CNRIP1: variants seen among roughly 807,000 people sequenced by gnomAD.
The protein encoded by CNRIP1 is cannabinoid receptor interacting protein 1.
CNRIP1 carries 10 observed loss-of-function variants against 15.2 expected under a neutral mutation model. The ratio of observed to expected loss-of-function variants is 0.66; its 90% CI spans 0.41 to 1.12. The LOEUF (loss-of-function observed/expected upper bound fraction) is 1.12, where lower values mean the gene tolerates loss of function less well. Ranked by LOEUF, CNRIP1 falls within the 50% of genes most tolerant of loss-of-function variation. The pLI is 0.00. For missense variants in CNRIP1, 211 were observed against 214.7 expected, an observed-to-expected ratio of 0.98 and a Z score of 0.11; for synonymous variants, 91 against 83.2, an observed-to-expected ratio of 1.09 and a Z score of -0.51.
downstream of CNRIP1, among the ~76,000 whole-genome samples, chr2:68,290,947 C>T (rs535114600): frequency 6.6e-6 from 1 of 152,096 alleles, no homozygotes; most frequent in African/African-American, 2.4e-5. Flanking sequence ...TCTGGGTAGC[C>T]ATCTGATGCT....
At chr2:68,291,145 G>A (rs572646683), downstream of CNRIP1, among the ~76,000 whole-genome samples, 1 of 152,180 alleles carries the variant, frequency 6.6e-6, no homozygotes, top group Non-Finnish European at 1.5e-5. Flanking sequence ...TATATGCCAG[G>A]AGCGATCACT....
chr2:68,299,353 T>G (rs1200438729), intron 2 of CNRIP1, among the ~76,000 whole-genome samples: 1 of 152,202 alleles, frequency 6.6e-6, no homozygotes, highest in East Asian at 1.9e-4. Flanking sequence ...TGGTGAAGCC[T>G]AAATCCTAAC....
intron 2 of CNRIP1, among the ~76,000 whole-genome samples, chr2:68,300,758 A>T (rs1300486752): frequency 1.3e-5 from 2 of 152,244 alleles, no homozygotes; most frequent in Admixed American, 1.3e-4. Flanking sequence ...AACAAAACTG[A>T]GCAAGAAAAA....
intron 2 of CNRIP1, among the ~76,000 whole-genome samples, chr2:68,301,446 G>A (rs994833289): frequency 6.6e-6 from 1 of 152,152 alleles, no homozygotes; most frequent in Non-Finnish European, 1.5e-5. Context: ...TGGTTTCCCT[G>A]TCAGATGGGA....
At chr2:68,287,858 T>C (rs1001470981) in intron 2 of CNRIP1, among the ~76,000 whole-genome samples, 3 of 152,166 alleles carry the variant, frequency 2.0e-5, no homozygotes, top group Non-Finnish European at 4.4e-5. Flanking sequence ...CTTCATAAAC[T>C]TCAAAGAATA....
chr2:68,312,766 T>C (rs1672140392), intron 2 of CNRIP1, among the ~76,000 whole-genome samples: 1 of 152,084 alleles, frequency 6.6e-6, no homozygotes, highest in Non-Finnish European at 1.5e-5. Context: ...TCAATATCAA[T>C]ATACAAAAAA....
At chr2:68,285,080 G>C (rs958063697) in intron 2 of CNRIP1, among the ~76,000 whole-genome samples, 1 of 152,158 alleles carries the variant, frequency 6.6e-6, no homozygotes, top group Non-Finnish European at 1.5e-5. Context: ...TTCCCTGAGG[G>C]AGGAACAAGC....
rs1671222685 is a variant in CNRIP1, at chr2:68,293,192, C to A, written c.*670G>T. 3.0e-6 allele frequency: 3 copies of A among 985,502 alleles called. No individual in the cohort carries two copies. The highest frequency in any genetic ancestry group is 3.6e-6 in the Non-Finnish European group (3 of 829,968). The allele number at this position is 985,502 out of a possible 1,614,324, so 61.0% of individuals were successfully genotyped here. On this transcript the variant is annotated 3_prime_UTR_variant, in exon 3 of 3. Transcript: ENST00000263655. ...ACTTTAACAATGGTCCACAGCAATG[C>A]TTTTCCCCCATTTCTACTAGGCTAG...
In CNRIP1 at chr2:68,317,169, C is replaced by T; in HGVS notation, c.318G>A (p.Gln106=). ...PTKSGERQPI[Q]ITMPFTDIGT... is the part of the protein sequence containing the mutation. ...AAGCAAGCCTTACCGGCATGGTGAT[C>T]TGGATGGGTTGCCGTTCTCCACTCT... is the stretch of plus-strand genomic sequence containing the variant. The change falls in exon 2 of 3, where the codon CAG becomes CAA. Residue 106 remains glutamine, a synonymous_variant. Coordinates refer to ENST00000263655, the MANE Select transcript of CNRIP1 (RefSeq NM_015463.3). 1 of 1,614,208 alleles carries T rather than the reference C, an allele frequency of 6.2e-7. No individual in the cohort carries two copies. The highest frequency in any genetic ancestry group is 1.6e-4 in the Middle Eastern group (1 of 6,062).
intron 2 of CNRIP1, among the ~76,000 whole-genome samples, chr2:68,296,430 C>A (rs993591627): frequency 1.3e-5 from 2 of 151,874 alleles, no homozygotes; most frequent in African/African-American, 2.4e-5. Context: ...GTGGCACACA[C>A]TGTGAGACTG....
chr2:68,317,084 T>G, intron 2 of CNRIP1, 73 bp downstream of exon 2: 1 of 1,554,554 alleles, frequency 6.4e-7, no homozygotes, highest in Middle Eastern at 1.7e-4. Flanking sequence ...TACAGAGAGA[T>G]AGTGATTGTT....
At chr2:68,318,434 G>A (rs1489001538) in intron 1 of CNRIP1, among the ~76,000 whole-genome samples, 8 of 152,156 alleles carry the variant, frequency 5.3e-5, no homozygotes, top group Admixed American at 3.9e-4. Flanking sequence ...GCTACTGCAT[G>A]CTCCCACACA....
chr2:68,297,954 T>A (rs1012437842), intron 2 of CNRIP1, among the ~76,000 whole-genome samples: 1 of 152,198 alleles, frequency 6.6e-6, no homozygotes, highest in African/African-American at 2.4e-5. Context: ...AATTTTTCTA[T>A]CCTTACTCAG....
At chr2:68,317,851 G>T (rs1375974088) in intron 1 of CNRIP1, among the ~76,000 whole-genome samples, 1 of 152,152 alleles carries the variant, frequency 6.6e-6, no homozygotes, top group Non-Finnish European at 1.5e-5. Flanking sequence ...CAGCATCTGT[G>T]TTTTAACAAG....
intron 2 of CNRIP1, among the ~76,000 whole-genome samples, chr2:68,295,357 A>T (rs1189747007): frequency 6.6e-6 from 1 of 152,166 alleles, no homozygotes; most frequent in Non-Finnish European, 1.5e-5. Flanking sequence ...AATTTGCTTG[A>T]TTTGAAATAG....
rs185949133 is a variant in CNRIP1 at position 68,319,456 on chromosome 2, C to A, written c.-56G>T. ...GGGGGGCGGAGGACAGCGCCGGCTG[C>A]GGCCGAGTGGCTGGAGCGCGAGGGG... On this transcript the variant is annotated 5_prime_UTR_variant, in exon 1 of 3. Transcript: ENST00000263655. 35,806 of 1,436,372 alleles carry A rather than the reference C, an allele frequency of 0.025. 668 individuals are homozygous for A. Among genetic ancestry groups the A allele is most frequent in the Admixed American group, 0.096 (3,762 of 39,258 alleles). The allele number at this position is 1,436,372 out of a possible 1,614,324, so 89.0% of individuals were successfully genotyped here.
rs1283933188 is a variant in CNRIP1, at chr2:68,293,941, G to C, written c.416C>G (p.Pro139Arg). The C allele has an allele frequency of 6.2e-7, 1 of 1,614,054 alleles. No individual in the cohort carries two copies. Residue 139 changes from proline to arginine, a missense_variant, in exon 3 of 3, where the codon CCC becomes CGC. Transcript: ENST00000263655. ...GCATTCATACTCAATGACAGAGAAG[G>C]GGCTTCCCCACTGGCAGTGATCCCG... ...HKRDHCQWGSPFSVIEYECKP... is the reference protein window; with the variant it reads ...HKRDHCQWGSRFSVIEYECKP...
chr2:68,291,295 T>TG (rs1040228018), downstream of CNRIP1, among the ~76,000 whole-genome samples: 2 of 127,438 alleles, frequency 1.6e-5, no homozygotes, highest in African/African-American at 7.1e-5. Context: ...CACTTTCCCC[T>TG]TTTTTTTTTA....
intron 2 of CNRIP1, among the ~76,000 whole-genome samples, chr2:68,302,882 T>C (rs1232281137): frequency 7.0e-6 from 1 of 143,348 alleles, no homozygotes; most frequent in African/African-American, 2.7e-5. Flanking sequence ...GGAGTCTCCC[T>C]GTCGCCCAGG....
Sources: gnomAD v4.1 joint callset for allele counts (sites outside exome capture counted in the v4.1 genomes callset) on GRCh38, gnomAD v4.1.1 for gene constraint, MANE v1.5 for transcripts, NCBI Gene and HGNC (gene_info 2026-07-23, HGNC 2026-07-21) for gene names.